Variants in MTRF1 observed in about 807,000 individuals in gnomAD.
MTRF1 encodes the protein peptide chain release factor 1, mitochondrial.
A neutral mutation model predicts 62.9 loss-of-function variants in MTRF1; 51 were observed. The observed-to-expected ratio is 0.81, with a 90% confidence interval of 0.65 to 1.02. The LOEUF (loss-of-function observed/expected upper bound fraction) is 1.02. MTRF1 is among the 50% of genes least tolerant of loss of function. The probability of loss-of-function intolerance (pLI) is 0.00; values close to 1 mark genes in which losing one functional copy is unlikely to be tolerated. For missense variants in MTRF1, 446 were observed against 530.0 expected (o/e 0.84, Z 1.56); for synonymous variants, 158 against 181.9 (o/e 0.87, Z 1.06).
At chr13:41,290,307 G>T in the MTRF1 span, among the ~76,000 whole-genome samples, 1 of 151,574 alleles carries the variant, frequency 6.6e-6, no homozygotes, top group South Asian at 2.1e-4. Context: ...CACCATGTTA[G>T]CCAGGATGGT....
chr13:41,298,029 T>C, the MTRF1 span, among the ~76,000 whole-genome samples: 1 of 151,014 alleles, frequency 6.6e-6, no homozygotes, highest in East Asian at 1.9e-4. Context: ...CATTTTCCCT[T>C]TTTTTTTGAG....
chr13:41,276,415 G>C, the MTRF1 span, among the ~76,000 whole-genome samples: 2 of 151,868 alleles, frequency 1.3e-5, no homozygotes, highest in Non-Finnish European at 2.9e-5. Flanking sequence ...CAAGTGATCC[G>C]CCTGCCTTGG....
the MTRF1 span, among the ~76,000 whole-genome samples, chr13:41,305,644 T>A: frequency 6.6e-6 from 1 of 152,216 alleles, no homozygotes; most frequent in Non-Finnish European, 1.5e-5. Context: ...TCTTCCTGCA[T>A]TAGGGCATTT....
At chr13:41,275,414 A>G in the MTRF1 span, among the ~76,000 whole-genome samples, 3 of 151,432 alleles carry the variant, frequency 2.0e-5, no homozygotes, top group African/African-American at 7.3e-5. Context: ...GTTAGCCAGG[A>G]TGGCCTCCAT....
chr13:41,290,636 GC>G, the MTRF1 span, among the ~76,000 whole-genome samples: 1 of 150,142 alleles, frequency 6.7e-6, no homozygotes, highest in South Asian at 2.1e-4. Context: ...CTCATGATCC[GC>G]CCACCTCGGC....
At position 41,231,383 on chromosome 13, in the gene MTRF1, G is replaced by A. The variant is rs915585834; in HGVS notation, c.988+2507C>T. Among the ~76,000 whole-genome samples the A allele has an allele frequency of 1.3e-5, 2 of 152,210 alleles. 1 individual carries two copies. Among genetic ancestry groups the A allele is most frequent in the East Asian group, 3.8e-4 (2 of 5,198 alleles). ...CTTCCTCAATCTGCAGAAGGCAGGA[G>A]GTATATTTCTGGATAATTAAATCAG... On this transcript the variant is annotated intron_variant, in intron 7 of 9. Transcript: ENST00000379480.
intron 9 of MTRF1, among the ~76,000 whole-genome samples, chr13:41,218,281 A>ATTTTTTTTTTTTT (rs199717534): frequency 8.5e-6 from 1 of 117,832 alleles, no homozygotes; most frequent in African/African-American, 3.2e-5. Flanking sequence ...CACCCAGCTA[A>ATTTTTTTTTTTTT]TTTTTTTTTT....
chr13:41,292,773 A>G, the MTRF1 span, among the ~76,000 whole-genome samples: 1 of 151,918 alleles, frequency 6.6e-6, no homozygotes, highest in Non-Finnish European at 1.5e-5. Context: ...ATAAAAATAA[A>G]AATAAAAATA....
rs1202158103 is a variant in MTRF1 at position 41,253,874 on chromosome 13, T to G, written c.507+655A>C. On this transcript the variant is annotated intron_variant, in intron 3 of 9. Transcript: ENST00000379480. Reference sequence around the variant, plus strand: ...AAGCCCCTCTATTGGATTCCCAGAGTAAGAAACACTGAAGGTAGGAGGACG... The same window carrying G: ...AAGCCCCTCTATTGGATTCCCAGAGGAAGAAACACTGAAGGTAGGAGGACG... Among the ~76,000 whole-genome samples, 6 of 152,128 alleles carry G rather than the reference T, an allele frequency of 3.9e-5. No individual in the cohort carries two copies. In the South Asian group the frequency reaches 1.2e-3, roughly 32 times the overall value.
chr13:41,262,359 A>T (rs147138827), intron 1 of MTRF1: 1 of 132,086 alleles, frequency 7.6e-6, no homozygotes, highest in Non-Finnish European at 1.8e-5. Flanking sequence ...AAAAAAAAAG[A>T]AACATACCAA....
the MTRF1 span, among the ~76,000 whole-genome samples, chr13:41,268,922 A>G: frequency 6.6e-6 from 1 of 151,940 alleles, no homozygotes; most frequent in Non-Finnish European, 1.5e-5. Context: ...TGATCATATA[A>G]AAGTTTTCAG....
chr13:41,297,257 A>T, the MTRF1 span, among the ~76,000 whole-genome samples: 2 of 152,226 alleles, frequency 1.3e-5, no homozygotes, highest in Non-Finnish European at 2.9e-5. Context: ...ACATCTCCCT[A>T]CAAAGACATT....
rs748190403 is a variant in MTRF1 at position 41,260,828 on chromosome 13, G to A, written c.80C>T (p.Ser27Phe). The A allele has an allele frequency of 6.2e-7, 1 of 1,614,076 alleles. No individual in the cohort carries two copies. The highest frequency in any genetic ancestry group is 1.1e-5 in the South Asian group (1 of 91,084). ...AAGATGTATCTGTCTAAATTGATGAGAATGGAGCTGGATGTGACACTGGAG... is the reference window on the plus strand; with the variant it reads ...AAGATGTATCTGTCTAAATTGATGAAAATGGAGCTGGATGTGACACTGGAG... ...GYLQCHIQLH[S>F]HQFRQIHLDT... Residue 27 changes from serine to phenylalanine, a missense_variant, in exon 2 of 10, where the codon TCT becomes TTT. Transcript: ENST00000379480.
intron 5 of MTRF1, among the ~76,000 whole-genome samples, chr13:41,245,790 T>C (rs1380686541): frequency 6.6e-6 from 1 of 152,240 alleles, no homozygotes. Flanking sequence ...TTCTCTTTTC[T>C]GTGGCTTTGT....
chr13:41,239,622 G>C (rs17532763), intron 6 of MTRF1, among the ~76,000 whole-genome samples: 10,942 of 151,980 alleles, frequency 0.072, 471 homozygotes, highest in Middle Eastern at 0.12. Context: ...CAACTAAAAA[G>C]ATAGATACAT....
chr13:41,285,691 T>A, the MTRF1 span, among the ~76,000 whole-genome samples: 1 of 152,078 alleles, frequency 6.6e-6, no homozygotes, highest in Non-Finnish European at 1.5e-5. Flanking sequence ...AAATAGGAGA[T>A]CTGTGAATTG....
chr13:41,274,672 A>C, the MTRF1 span, among the ~76,000 whole-genome samples: 5 of 147,496 alleles, frequency 3.4e-5, no homozygotes, highest in South Asian at 1.1e-3. Flanking sequence ...AATAATAAAT[A>C]TATAATAATA....
the MTRF1 span, among the ~76,000 whole-genome samples, chr13:41,286,717 A>T: frequency 2.0e-5 from 3 of 152,236 alleles, no homozygotes; most frequent in Non-Finnish European, 4.4e-5. Context: ...ACTTCATTAC[A>T]GGAAACATGT....
the MTRF1 span, among the ~76,000 whole-genome samples, chr13:41,281,758 T>C: frequency 6.6e-6 from 1 of 152,178 alleles, no homozygotes. Context: ...TTTGCTAGAA[T>C]GGAATTATTG....
Sources: gnomAD v4.1 joint callset for allele counts (sites outside exome capture counted in the v4.1 genomes callset) on GRCh38, gnomAD v4.1.1 for gene constraint, MANE v1.5 for transcripts, NCBI Gene and HGNC (gene_info 2026-07-23, HGNC 2026-07-21) for gene names.